Variants in SYT9 observed in about 807,000 individuals in gnomAD.
The protein encoded by SYT9 is synaptotagmin 9.
A neutral mutation model predicts 48.4 loss-of-function variants in SYT9; 22 were observed. The observed-to-expected ratio is 0.45, with a 90% CI of 0.32 to 0.65. The LOEUF is 0.65. Ranked by LOEUF, SYT9 falls within the 30% of genes least tolerant of loss-of-function variation. The probability of loss-of-function intolerance (pLI) is 0.03; values close to 1 mark genes in which losing one functional copy is unlikely to be tolerated. For synonymous variants in SYT9, 265 were observed against 245.0 expected (o/e 1.08, Z -0.76); for missense variants, 577 against 622.0 (o/e 0.93, Z 0.77).
chr11:7,448,310 G>A (rs1384859564), intron 6 of SYT9, among the ~76,000 whole-genome samples: 1 of 152,214 alleles, frequency 6.6e-6, no homozygotes, highest in Non-Finnish European at 1.5e-5. Context: ...GTGAGAGGGC[G>A]CCACACTCAG....
chr11:7,328,462 T>G (rs1215311623), intron 3 of SYT9, among the ~76,000 whole-genome samples: 1 of 152,196 alleles, frequency 6.6e-6, no homozygotes, highest in Non-Finnish European at 1.5e-5. Context: ...CAATATGCGT[T>G]GTTAATTTAA....
intron 3 of SYT9, among the ~76,000 whole-genome samples, chr11:7,391,735 T>TTAAAAA (rs1447561624): frequency 8.3e-5 from 3 of 35,940 alleles, no homozygotes; most frequent in African/African-American, 2.8e-4. Context: ...ACCCCATCTC[T>TTAAAAA]AAAAAAAAAA....
rs911321433 is a variant in SYT9, at chr11:7,370,534, G to A, written c.1045-45508G>A. 5.3e-5 allele frequency among the ~76,000 whole-genome samples: 8 copies of A among 152,058 alleles called. No individual in the cohort carries two copies. The East Asian group carries it at 1.5e-3, about 29-fold the overall frequency. ...TGTGATGATGGTTGGAAAATTCGGT[G>A]AGCATACTAAAATTTATGATATTTT... On this transcript the variant is annotated intron_variant, in intron 3 of 6. Transcript: ENST00000318881.
chr11:7,389,039 T>C (rs1415758562), intron 3 of SYT9, among the ~76,000 whole-genome samples: 2 of 152,182 alleles, frequency 1.3e-5, no homozygotes, highest in African/African-American at 4.8e-5. Flanking sequence ...AAGGGTTAAG[T>C]CACTAGGCTT....
chr11:7,436,846 C>T (rs1248692364), intron 6 of SYT9, among the ~76,000 whole-genome samples: 1 of 152,226 alleles, frequency 6.6e-6, no homozygotes. Flanking sequence ...GGAAGAGGAA[C>T]CTAATTACAG....
At chr11:7,315,722 A>T (rs1564859183) in intron 3 of SYT9, among the ~76,000 whole-genome samples, 1 of 152,204 alleles carries the variant, frequency 6.6e-6, no homozygotes, top group Non-Finnish European at 1.5e-5. Flanking sequence ...GTTCCTGTGG[A>T]ACAAGAATAT....
At chr11:7,290,120 A>G (rs1234668041) in intron 1 of SYT9, among the ~76,000 whole-genome samples, 1 of 152,228 alleles carries the variant, frequency 6.6e-6, no homozygotes, top group East Asian at 1.9e-4. Flanking sequence ...TGTGCTTTTA[A>G]CCACAGACAA....
At chr11:7,309,529 C>T (rs1849091666) in intron 2 of SYT9, among the ~76,000 whole-genome samples, 1 of 152,176 alleles carries the variant, frequency 6.6e-6, no homozygotes, top group African/African-American at 2.4e-5. Flanking sequence ...GGGAGCCTCG[C>T]ATTTACTGCA....
intron 1 of SYT9, among the ~76,000 whole-genome samples, chr11:7,243,652 A>C (rs539106185): frequency 4.9e-4 from 74 of 152,298 alleles, no homozygotes; most frequent in African/African-American, 1.5e-3. Context: ...TTTCCTAAGC[A>C]GGCAGCTGAG....
intron 1 of SYT9, among the ~76,000 whole-genome samples, chr11:7,241,017 T>G (rs11041273): frequency 7.2e-5 from 11 of 152,072 alleles, no homozygotes; most frequent in Admixed American, 7.2e-4. Context: ...CTAATTCTAC[T>G]TGGAAAGAAA....
intron 1 of SYT9, among the ~76,000 whole-genome samples, chr11:7,241,656 G>A (rs772412308): frequency 8.5e-4 from 130 of 152,330 alleles, no homozygotes; most frequent in Admixed American, 3.9e-3. Context: ...GACTGGATTA[G>A]AAGAATAACA....
intron 6 of SYT9, among the ~76,000 whole-genome samples, chr11:7,465,017 G>A (rs1288237098): frequency 6.6e-6 from 1 of 151,736 alleles, no homozygotes; most frequent in African/African-American, 2.4e-5. Context: ...GAACCCGGGA[G>A]GTGGAGCTTG....
In SYT9 at chr11:7,302,675, C is replaced by T. The variant is rs184981359; in HGVS notation, c.146-364C>T. Among the ~76,000 whole-genome samples, 5 of 152,302 alleles carry T rather than the reference C, an allele frequency of 3.3e-5. No individual in the cohort carries two copies. The East Asian group carries it at 7.7e-4, about 23-fold the overall frequency. On this transcript the variant is annotated intron_variant, in intron 1 of 6. Transcript: ENST00000318881. Reference sequence around the variant, plus strand: ...AATTGTTAAGGACATTTGAAACTGCCCTGCTCAAAAAACATTAATGATTGG... The same window carrying T: ...AATTGTTAAGGACATTTGAAACTGCTCTGCTCAAAAAACATTAATGATTGG...
At chr11:7,306,104 G>T (rs1849025740) in intron 2 of SYT9, among the ~76,000 whole-genome samples, 2 of 152,232 alleles carry the variant, frequency 1.3e-5, no homozygotes, top group Middle Eastern at 3.4e-3. Flanking sequence ...AATTCTTTTT[G>T]ATTTGAATGA....
intron 6 of SYT9, among the ~76,000 whole-genome samples, chr11:7,459,937 C>T (rs941623611): frequency 4.6e-5 from 7 of 152,152 alleles, no homozygotes; most frequent in African/African-American, 1.7e-4. Flanking sequence ...GACTTCTAGC[C>T]TCTAGAACTG....
At chr11:7,465,986 G>T (rs1475353288) in intron 6 of SYT9, among the ~76,000 whole-genome samples, 1 of 152,110 alleles carries the variant, frequency 6.6e-6, no homozygotes, top group African/African-American at 2.4e-5. Context: ...AGTCTGGGAG[G>T]TACAACTCAA....
chr11:7,422,304 A>G (rs561180521), intron 6 of SYT9, among the ~76,000 whole-genome samples: 2 of 152,248 alleles, frequency 1.3e-5, no homozygotes, highest in Admixed American at 1.3e-4. Flanking sequence ...CCATCAGGGC[A>G]CCCAGATGTA....
chr11:7,366,458 TAATA>T (rs1251928054), intron 3 of SYT9, among the ~76,000 whole-genome samples: 1 of 152,202 alleles, frequency 6.6e-6, no homozygotes, highest in East Asian at 1.9e-4. Flanking sequence ...ATAAAACTCT[TAATA>T]GAGTTAATTA....
At chr11:7,274,317 C>CTTTTTTT (rs576480483) in intron 1 of SYT9, among the ~76,000 whole-genome samples, 1 of 125,074 alleles carries the variant, frequency 8.0e-6, no homozygotes, top group African/African-American at 3.1e-5. Flanking sequence ...TGAAGTTCAT[C>CTTTTTTT]TTTTTTTTTT....
Sources: gnomAD v4.1 joint callset for allele counts (sites outside exome capture counted in the v4.1 genomes callset) on GRCh38, gnomAD v4.1.1 for gene constraint, MANE v1.5 for transcripts, NCBI Gene and HGNC (gene_info 2026-07-23, HGNC 2026-07-21) for gene names.